Variants in STK32B observed in about 807,000 individuals in gnomAD.
STK32B encodes serine/threonine kinase 32B, also known as serine/threonine-protein kinase 32B.
A neutral mutation model predicts 52.6 loss-of-function variants in STK32B; 43 were observed. The observed-to-expected ratio is 0.82, with a 90% confidence interval of 0.64 to 1.05. The LOEUF (loss-of-function observed/expected upper bound fraction) is 1.05, where lower values mean the gene tolerates loss of function less well. STK32B is among the 50% of genes least tolerant of loss of function. STK32B has a pLI of 0.00. For missense variants in STK32B, 621 were observed against 534.6 expected, an observed-to-expected ratio of 1.16 and a Z score of -1.59; for synonymous variants, 238 against 204.3, an observed-to-expected ratio of 1.17 and a Z score of -1.41.
In STK32B at chr4:5,456,064, C is replaced by T. The variant is rs535322511; in HGVS notation, c.667-743C>T. On this transcript the variant is annotated intron_variant, in intron 7 of 11. Transcript: ENST00000282908. ...TTCATGGGGGTTGGGGCAGGGGGAG[C>T]GGGGACCGGGAGTGCACTGCTGCTC... Among the ~76,000 whole-genome samples the T allele has an allele frequency of 3.2e-4, 48 of 148,632 alleles. No individual in the cohort carries two copies. In the South Asian group the frequency reaches 7.8e-3, roughly 24 times the overall value.
chr4:5,233,447 T>C (rs1444301116), intron 3 of STK32B, among the ~76,000 whole-genome samples: 1 of 152,100 alleles, frequency 6.6e-6, no homozygotes, highest in African/African-American at 2.4e-5. Flanking sequence ...ACAGCTGATA[T>C]ACTGGAATAT....
chr4:5,059,052 CTTTTTTTTTTTTT>C (rs3072775), intron 1 of STK32B, among the ~76,000 whole-genome samples: 10 of 86,898 alleles, frequency 1.2e-4, no homozygotes, highest in East Asian at 3.9e-4. Flanking sequence ...CGCCCAGCTG[CTTTTTTTTTTTTT>C]TTTTTTTTTT....
At chr4:5,099,098 T>G (rs899422330) in intron 1 of STK32B, among the ~76,000 whole-genome samples, 1 of 152,154 alleles carries the variant, frequency 6.6e-6, no homozygotes, top group African/African-American at 2.4e-5. Context: ...CATTGGTTTT[T>G]CCAGTTTCTA....
At position 5,051,692 on chromosome 4, in the gene STK32B, G is replaced by T; in HGVS notation, c.-172G>T. 1.3e-6 allele frequency: 1 copy of T among 755,738 alleles called. No individual in the cohort carries two copies. The highest frequency in any genetic ancestry group is 2.0e-5 in the South Asian group (1 of 49,688). The allele number at this position is 755,738 out of a possible 1,614,324, so 46.8% of individuals were successfully genotyped here. ...AGCGCAGTCGGAAGGGCGTCCAGGA[G>T]AAGGGGGACGCCGTCCCCGCCCCTG... On this transcript the variant is annotated 5_prime_UTR_variant, in exon 1 of 12. Coordinates refer to ENST00000282908, the MANE Select transcript of STK32B (RefSeq NM_018401.3).
intron 3 of STK32B, among the ~76,000 whole-genome samples, chr4:5,302,221 T>A (rs1323383462): frequency 6.8e-6 from 1 of 146,250 alleles, no homozygotes; most frequent in African/African-American, 2.7e-5. Flanking sequence ...AAAAAAAAAA[T>A]CACAAAGAAT....
At chr4:5,375,336 C>A (rs886161927) in intron 4 of STK32B, among the ~76,000 whole-genome samples, 1 of 152,196 alleles carries the variant, frequency 6.6e-6, no homozygotes, top group Non-Finnish European at 1.5e-5. Flanking sequence ...AACACACAGA[C>A]CCCTCTGCTT....
At chr4:5,206,093 C>T (rs1450547898) in intron 3 of STK32B, among the ~76,000 whole-genome samples, 2 of 152,180 alleles carry the variant, frequency 1.3e-5, no homozygotes, top group Non-Finnish European at 2.9e-5. Flanking sequence ...AGAGTGTCCC[C>T]TTTGCTATTT....
At chr4:5,169,484 G>T (rs1719164744) in intron 3 of STK32B, among the ~76,000 whole-genome samples, 1 of 152,030 alleles carries the variant, frequency 6.6e-6, no homozygotes, top group Admixed American at 6.6e-5. Context: ...GATTTCAGTT[G>T]CCCTGCACAC....
At chr4:5,134,445 A>G (rs1715951921) in intron 1 of STK32B, among the ~76,000 whole-genome samples, 1 of 152,112 alleles carries the variant, frequency 6.6e-6, no homozygotes, top group African/African-American at 2.4e-5. Flanking sequence ...CTGTGGGATG[A>G]TGCAGAAAGA....
chr4:5,055,865 T>C (rs373808705), intron 1 of STK32B, among the ~76,000 whole-genome samples: 1 of 142,596 alleles, frequency 7.0e-6, no homozygotes, highest in African/African-American at 2.5e-5. Context: ...TTTCCTTGCT[T>C]TATTTTTTTT....
intron 3 of STK32B, among the ~76,000 whole-genome samples, chr4:5,296,284 G>C (rs906005868): frequency 6.6e-6 from 1 of 152,108 alleles, no homozygotes; most frequent in Non-Finnish European, 1.5e-5. Context: ...AGGTTCACTT[G>C]GTCTAGAGCT....
intron 3 of STK32B, among the ~76,000 whole-genome samples, chr4:5,276,390 T>G (rs991626057): frequency 1.1e-4 from 17 of 152,052 alleles, no homozygotes; most frequent in Non-Finnish European, 1.8e-4. Context: ...TTTGGGGAGG[T>G]CAGCAAGGGG....
chr4:5,209,203 G>C (rs1161964253), intron 3 of STK32B, among the ~76,000 whole-genome samples: 1 of 152,188 alleles, frequency 6.6e-6, no homozygotes, highest in Non-Finnish European at 1.5e-5. Flanking sequence ...TTATGTGTCA[G>C]GAAATAGAGT....
At chr4:5,197,214 C>T (rs1380533290) in intron 3 of STK32B, among the ~76,000 whole-genome samples, 1 of 152,180 alleles carries the variant, frequency 6.6e-6, no homozygotes, top group Non-Finnish European at 1.5e-5. Context: ...CATCATCACT[C>T]TGTGGGAAGT....
At chr4:5,163,925 T>G (rs1281199761) in intron 2 of STK32B, among the ~76,000 whole-genome samples, 1 of 152,178 alleles carries the variant, frequency 6.6e-6, no homozygotes, top group Non-Finnish European at 1.5e-5. Context: ...AGCCTGTGTT[T>G]CCTGCTCCTC....
chr4:5,357,058 TATATACACAC>T (rs943320119), intron 4 of STK32B, among the ~76,000 whole-genome samples: 25 of 148,184 alleles, frequency 1.7e-4, no homozygotes, highest in African/African-American at 5.8e-4. Flanking sequence ...CACACACACA[TATATACACAC>T]ATATACACAC....
In STK32B at chr4:5,317,177, A is replaced by AT. The variant is rs1553871612; in HGVS notation, c.261-14043_261-14042insT. The stretch of plus-strand genomic sequence containing the variant: ...TACATATTACATATATATAACATAT[A>AT]ATATATATATATAACATATATATAT... On this transcript the variant is annotated intron_variant, in intron 3 of 11. Coordinates refer to ENST00000282908, the MANE Select transcript of STK32B (RefSeq NM_018401.3). Among the ~76,000 whole-genome samples, 13 of 46,534 alleles carry AT rather than the reference A, an allele frequency of 2.8e-4. 2 individuals carry two copies. Among genetic ancestry groups the AT allele is most frequent in the African/African-American group, 1.8e-3 (7 of 3,830 alleles). 30.5% of individuals were successfully genotyped at this position (46,534 alleles called of 152,430 possible).
intron 3 of STK32B, among the ~76,000 whole-genome samples, chr4:5,226,768 A>G (rs553570766): frequency 6.6e-6 from 1 of 152,370 alleles, no homozygotes; most frequent in African/African-American, 2.4e-5. Flanking sequence ...GTTCTAATTT[A>G]TAATGTACAC....
chr4:5,274,366 G>T (rs897974243), intron 3 of STK32B, among the ~76,000 whole-genome samples: 3 of 152,128 alleles, frequency 2.0e-5, no homozygotes, highest in African/African-American at 7.2e-5. Context: ...CTGCCCTCAT[G>T]AAGCTGCCCT....
Sources: allele counts gnomAD v4.1 joint callset (sites outside exome capture counted in the v4.1 genomes callset), GRCh38; gene constraint gnomAD v4.1.1; transcripts MANE v1.5; gene names NCBI Gene and HGNC (gene_info 2026-07-23, HGNC 2026-07-21).